OR2T6: variants seen among roughly 807,000 people sequenced by gnomAD.
The protein encoded by OR2T6 is olfactory receptor family 2 subfamily T member 6, also known as olfactory receptor 2T6.
For synonymous variants in OR2T6, 174 were observed against 148.0 expected, an observed-to-expected ratio of 1.18 and a Z score of -1.27; for missense variants, 424 against 391.6, an observed-to-expected ratio of 1.08 and a Z score of -0.70.
rs1181011494 is a variant in OR2T6 at position 248,389,916 on chromosome 1, A to G, written c.*1381A>G. On this transcript the variant is annotated 3_prime_UTR_variant, in exon 3 of 3. Coordinates refer to ENST00000641644, the MANE Select transcript of OR2T6 (RefSeq NM_001005471.2). ...GGCCGGGTGGTCCACTGGTCTTGCA[A>G]GAAAGAGTCTCTGAGGTGGCAGAGA... is the stretch of plus-strand genomic sequence containing the variant. 3 of 152,172 alleles carry G rather than the reference A, an allele frequency of 2.0e-5. No homozygotes were observed. Among genetic ancestry groups the G allele is most frequent in the Non-Finnish European group, 4.4e-5 (3 of 68,034 alleles). 9.4% of individuals were successfully genotyped at this position (152,172 alleles called of 1,614,324 possible).
chr1:248,387,504 A>G, intron 2 of OR2T6, 101 bp from the exon 3 acceptor site: 1 of 706,328 alleles, frequency 1.4e-6, no homozygotes. Flanking sequence ...TACATAAAAG[A>G]TTTTAATCTA....
rs374768151 is a variant in OR2T6 at position 248,387,703 on chromosome 1, G to C, written c.95G>C (p.Cys32Ser). ...TCAGGATTCTTTTTCGGTGTCATTT[G>C]TGCCGTCTTCTTCATGGCCATGATA... ...KCSGFFFGVICAVFFMAMIAN... is the reference protein window; with the variant it reads ...KCSGFFFGVISAVFFMAMIAN... Residue 32 changes from cysteine to serine, a missense_variant, in exon 3 of 3, where the codon TGT becomes TCT. Physicochemically the swap from Cys to Ser is moderately radical, Grantham distance 112. Coordinates refer to ENST00000641644, the MANE Select transcript of OR2T6 (RefSeq NM_001005471.2). 5.0e-6 allele frequency: 8 copies of C among 1,613,592 alleles called. No homozygotes were observed. Among genetic ancestry groups the C allele is most frequent in the Non-Finnish European group, 5.1e-6 (6 of 1,179,816 alleles).
chr1:248,390,178 TATAAA>T lies in OR2T6; in HGVS notation c.*1649_*1653del, dbSNP rs1345818559. ...CTTGTTGGAAAAGTGCTCTATGAAATATAAAATAAAGTCTTTTTCTAAGATGGAGT... is the reference window on the plus strand; with the variant it reads ...CTTGTTGGAAAAGTGCTCTATGAAATATAAAGTCTTTTTCTAAGATGGAGT... On this transcript the variant is annotated 3_prime_UTR_variant, in exon 3 of 3. Transcript: ENST00000641644. 1 of 152,224 alleles carries T rather than the reference TATAAA, an allele frequency of 6.6e-6. No homozygotes were observed. The highest frequency in any genetic ancestry group is 1.5e-5 in the Non-Finnish European group (1 of 68,036). 9.4% of individuals were successfully genotyped at this position (152,224 alleles called of 1,614,324 possible).
At position 248,389,178 on chromosome 1, in the gene OR2T6, G is replaced by A. The variant is rs920604124; in HGVS notation, c.*643G>A. On this transcript the variant is annotated 3_prime_UTR_variant, in exon 3 of 3. Coordinates refer to ENST00000641644, the MANE Select transcript of OR2T6 (RefSeq NM_001005471.2). ...CTTTATGGGGGAGGGAGTCTGTAAT[G>A]TTAGTTTTTTAATATGGTAACTAAC... 6.6e-6 allele frequency: 1 copy of A among 152,182 alleles called. No individual in the cohort carries two copies. The highest frequency in any genetic ancestry group is 1.9e-4 in the East Asian group (1 of 5,194). The allele number at this position is 152,182 out of a possible 1,614,324, so 9.4% of individuals were successfully genotyped here.
chr1:248,390,758 G>A lies in OR2T6; in HGVS notation c.*2223G>A, dbSNP rs1661236654. 6.6e-6 allele frequency: 1 copy of A among 152,198 alleles called. No individual in the cohort carries two copies. The highest frequency in any genetic ancestry group is 1.5e-5 in the Non-Finnish European group (1 of 68,044). The allele number at this position is 152,198 out of a possible 1,614,324, so 9.4% of individuals were successfully genotyped here. A position where few individuals can be genotyped will look rare whatever the true frequency, so the allele number is the denominator to read the frequency against. On this transcript the variant is annotated 3_prime_UTR_variant, in exon 3 of 3. Coordinates refer to ENST00000641644, the MANE Select transcript of OR2T6 (RefSeq NM_001005471.2). ...AAAAACACAACAAATCAGAAGAGAA[G>A]GAGAGGGCTGGCCCATAAGAACTGA... is the stretch of plus-strand genomic sequence containing the variant.
At position 248,383,060 on chromosome 1, in the gene OR2T6, A is replaced by G. The variant is rs188405052; in HGVS notation, c.-158-1651A>G. Among the ~76,000 whole-genome samples the G allele has an allele frequency of 6.0e-3, 905 of 149,880 alleles. 10 individuals carry two copies. The highest frequency in any genetic ancestry group is 8.7e-3 in the Non-Finnish European group (589 of 67,784). On this transcript the variant is annotated intron_variant, in intron 1 of 2. Coordinates refer to ENST00000641644, the MANE Select transcript of OR2T6 (RefSeq NM_001005471.2). Reference sequence around the variant, plus strand: ...CTAGTGTTATCATCATGGAGAAAGCACTGCACTAGCCTGAGTGTGCTCATC... The same window carrying G: ...CTAGTGTTATCATCATGGAGAAAGCGCTGCACTAGCCTGAGTGTGCTCATC...
At chr1:248,386,731 A>C (rs753623087) in intron 2 of OR2T6, among the ~76,000 whole-genome samples, 1 of 152,160 alleles carries the variant, frequency 6.6e-6, no homozygotes, top group South Asian at 2.1e-4. Context: ...TTTCCTGACT[A>C]TCCCAAACTC....
intron 2 of OR2T6, among the ~76,000 whole-genome samples, chr1:248,386,569 C>A (rs1445848449): frequency 1.3e-5 from 2 of 152,174 alleles, no homozygotes; most frequent in Non-Finnish European, 2.9e-5. Context: ...TAAAGTTAAA[C>A]TGTTACATGT....
At chr1:248,378,119 T>C (rs532467851) in intron 1 of OR2T6, among the ~76,000 whole-genome samples, 13 of 152,304 alleles carry the variant, frequency 8.5e-5, no homozygotes, top group Non-Finnish European at 1.6e-4. Context: ...TATTCCCACT[T>C]CATACTATTT....
intron 1 of OR2T6, among the ~76,000 whole-genome samples, chr1:248,382,603 G>T (rs1389668768): frequency 6.9e-6 from 1 of 145,036 alleles, no homozygotes; most frequent in Non-Finnish European, 1.5e-5. Flanking sequence ...TGCAATCTCA[G>T]CTCACTGCAA....
At chr1:248,379,984 G>C (rs991102103) in intron 1 of OR2T6, among the ~76,000 whole-genome samples, 1 of 151,774 alleles carries the variant, frequency 6.6e-6, no homozygotes, top group African/African-American at 2.4e-5. Context: ...CATTTACATT[G>C]GGTATATCTC....
chr1:248,380,711 C>A (rs567436643), intron 1 of OR2T6, among the ~76,000 whole-genome samples: 1 of 149,952 alleles, frequency 6.7e-6, no homozygotes, highest in Admixed American at 6.6e-5. Flanking sequence ...TTTAGGCATA[C>A]GTTAAAGTAT....
At position 248,387,943 on chromosome 1, in the gene OR2T6, T is replaced by A. The variant is rs748171652; in HGVS notation, c.335T>A (p.Phe112Tyr). 11 of 1,606,880 alleles carry A rather than the reference T, an allele frequency of 6.8e-6. No individual in the cohort carries two copies. The highest frequency in any genetic ancestry group is 8.5e-6 in the Non-Finnish European group (10 of 1,176,554). The change falls in exon 3 of 3, where the codon TTC becomes TAC. Residue 112 changes from phenylalanine to tyrosine, a missense_variant. Phe to Tyr is a conservative substitution (Grantham distance 22, BLOSUM62 3). Transcript: ENST00000641644. ...TACATGGGCTTTATGGGGGCTGAAT[T>A]CTTCCTGCTGGGGCTCATGGCCTAT... ...FLYMGFMGAE[F>Y]FLLGLMAYDR...
At chr1:248,381,828 A>C (rs1036193770) in intron 1 of OR2T6, among the ~76,000 whole-genome samples, 9 of 143,248 alleles carry the variant, frequency 6.3e-5, no homozygotes, top group Admixed American at 2.2e-4. Flanking sequence ...TTTCATCTAC[A>C]AAAATATTCA....
At chr1:248,376,127 T>C (rs989159321) in intron 1 of OR2T6, 73 bp downstream of exon 1, 6 of 152,298 alleles carry the variant, frequency 3.9e-5, no homozygotes, top group Admixed American at 3.3e-4. Flanking sequence ...AGATAATGTG[T>C]GTGAGTAGGA....
At chr1:248,385,486 T>G (rs28514998) in intron 2 of OR2T6, among the ~76,000 whole-genome samples, 60,459 of 152,116 alleles carry the variant, frequency 0.4, 14,315 homozygotes, top group Non-Finnish European at 0.53. Flanking sequence ...AATGACAGTC[T>G]TCTTCCTGGA....
At chr1:248,380,145 G>A (rs560660397) in intron 1 of OR2T6, among the ~76,000 whole-genome samples, 2 of 151,656 alleles carry the variant, frequency 1.3e-5, no homozygotes, top group Non-Finnish European at 2.9e-5. Flanking sequence ...GACTATATTT[G>A]TGTGTATGCA....
At position 248,375,817 on chromosome 1, in the gene OR2T6, T is replaced by C. The variant is rs1660929572; in HGVS notation, c.-396T>C. ...TATGACATCCATGCCTTCAGTTAAGTGGTCATCTTCAAATACCTCTAACTG... is the reference window on the plus strand; with the variant it reads ...TATGACATCCATGCCTTCAGTTAAGCGGTCATCTTCAAATACCTCTAACTG... On this transcript the variant is annotated 5_prime_UTR_variant, in exon 1 of 3. Transcript: ENST00000641644. 3 of 151,540 alleles carry C rather than the reference T, an allele frequency of 2.0e-5. No individual in the cohort carries two copies. Among genetic ancestry groups the C allele is most frequent in the African/African-American group, 7.3e-5 (3 of 41,134 alleles). 9.4% of individuals were successfully genotyped at this position (151,540 alleles called of 1,614,324 possible). A position where few individuals can be genotyped will look rare whatever the true frequency, so the allele number is the denominator to read the frequency against.
In OR2T6 at chr1:248,389,020, A is replaced by G. The variant is rs1244410148; in HGVS notation, c.*485A>G. 6.4e-6 allele frequency: 1 copy of G among 155,252 alleles called. No homozygotes were observed. The highest frequency in any genetic ancestry group is 1.4e-5 in the Non-Finnish European group (1 of 70,322). The allele number at this position is 155,252 out of a possible 1,614,324, so 9.6% of individuals were successfully genotyped here. On this transcript the variant is annotated 3_prime_UTR_variant, in exon 3 of 3. Transcript: ENST00000641644. ...ATAAAACTGTAAAAGAAAAATCTAC[A>G]TAGACTTACACCAAGATTTAGAAAA... is the stretch of plus-strand genomic sequence containing the variant.
Sources: allele counts gnomAD v4.1 joint callset (sites outside exome capture counted in the v4.1 genomes callset), GRCh38; gene constraint gnomAD v4.1.1; transcripts MANE v1.5; gene names NCBI Gene and HGNC (gene_info 2026-07-23, HGNC 2026-07-21).